GOLGA4: variants seen among roughly 807,000 people sequenced by gnomAD.
GOLGA4 encodes golgin A4, also known as golgin subfamily A member 4.
Under a neutral mutation model 265.9 loss-of-function variants are expected in GOLGA4, and 169 were observed. The observed-to-expected ratio is 0.64, with a 90% CI of 0.56 to 0.72. The LOEUF (loss-of-function observed/expected upper bound fraction) is 0.72, where lower values mean the gene tolerates loss of function less well. Among genes scored for constraint, GOLGA4 ranks in the 30% least tolerant of loss-of-function variants. GOLGA4 has a pLI of 0.00. For synonymous variants in GOLGA4, 923 were observed against 855.8 expected, an observed-to-expected ratio of 1.08 and a Z score of -1.37; for missense variants, 2,482 against 2,483.4, an observed-to-expected ratio of 1.00 and a Z score of 0.01.
intron 16 of GOLGA4, among the ~76,000 whole-genome samples, chr3:37,330,595 A>C (rs2096986708): frequency 6.6e-6 from 1 of 152,200 alleles, no homozygotes; most frequent in African/African-American, 2.4e-5. Flanking sequence ...ATTTTAGGGA[A>C]GTTAATGAAA....
chr3:37,258,191 ATATG>A (rs1016746437), intron 2 of GOLGA4, among the ~76,000 whole-genome samples: 3 of 145,402 alleles, frequency 2.1e-5, no homozygotes, highest in African/African-American at 7.5e-5. Context: ...TATGCTCTGT[ATATG>A]TATGATATAT....
intron 21 of GOLGA4, 68 bp downstream of exon 21, chr3:37,347,364 C>A: frequency 1.2e-6 from 1 of 856,638 alleles, no homozygotes; most frequent in Non-Finnish European, 2.0e-6. Context: ...ACTTTTAATA[C>A]ACATGTGAAT....
At chr3:37,333,322 T>C (rs1452748970) in intron 16 of GOLGA4, among the ~76,000 whole-genome samples, 1 of 152,236 alleles carries the variant, frequency 6.6e-6, no homozygotes, top group Non-Finnish European at 1.5e-5. Flanking sequence ...CTGTTATGTA[T>C]ATACATAAAG....
At chr3:37,322,722 T>C (rs141146321) in intron 13 of GOLGA4, among the ~76,000 whole-genome samples, 16 of 152,214 alleles carry the variant, frequency 1.1e-4, no homozygotes, top group Admixed American at 1.0e-3. Flanking sequence ...CCTTTCCAGC[T>C]CTGACATTCT....
At chr3:37,343,694 A>G (rs879756786) in intron 20 of GOLGA4, among the ~76,000 whole-genome samples, 1 of 152,206 alleles carries the variant, frequency 6.6e-6, no homozygotes, top group African/African-American at 2.4e-5. Context: ...AATTTTCTGG[A>G]TTCTGTCTCC....
At chr3:37,334,943 G>A (rs1031507547) in intron 16 of GOLGA4, 110 bp from the exon 17 acceptor site, 1 of 609,178 alleles carries the variant, frequency 1.6e-6, no homozygotes, top group Admixed American at 3.0e-5. Context: ...CCCTACAGAG[G>A]TAGTTTTCTC....
rs199838157 is a variant in GOLGA4, at chr3:37,299,030, C to T, written c.1002+10C>T. The T allele has an allele frequency of 1.1e-5, 18 of 1,573,368 alleles. No individual in the cohort carries two copies. Among genetic ancestry groups the T allele is most frequent in the South Asian group, 7.2e-5 (6 of 83,454 alleles). ...ACTAGAAAAGATAAAGGTAAAAGAG[C>T]AGATGAGTTTTGTTCTAATTTAATC... On this transcript the variant is annotated intron_variant, in intron 8 of 23. Coordinates refer to ENST00000361924, the MANE Select transcript of GOLGA4 (RefSeq NM_002078.5).
At chr3:37,328,090 T>A (rs1559441615) in intron 14 of GOLGA4, among the ~76,000 whole-genome samples, 1 of 152,088 alleles carries the variant, frequency 6.6e-6, no homozygotes, top group Non-Finnish European at 1.5e-5. Context: ...AGTAATTATT[T>A]TCTTTTTGTT....
intron 5 of GOLGA4, among the ~76,000 whole-genome samples, chr3:37,292,894 A>T (rs182035489): frequency 6.6e-6 from 1 of 152,350 alleles, no homozygotes; most frequent in Non-Finnish European, 1.5e-5. Context: ...GTCAGGAGAC[A>T]TTTGTGAGAG....
chr3:37,266,434 G>A (rs1339345079), intron 2 of GOLGA4, among the ~76,000 whole-genome samples: 1 of 152,104 alleles, frequency 6.6e-6, no homozygotes, highest in East Asian at 1.9e-4. Flanking sequence ...TCCTGACCTC[G>A]TGATCTGCCC....
chr3:37,243,387 AG>A lies in GOLGA4; in HGVS notation c.-162del, dbSNP rs1348974231. On this transcript the variant is annotated 5_prime_UTR_variant, in exon 1 of 24. The change abolishes the stop of an existing upstream ORF in the 5' untranslated region. Coordinates refer to ENST00000361924, the MANE Select transcript of GOLGA4 (RefSeq NM_002078.5). Reference sequence around the variant, plus strand: ...CGGCGGCGGCGACGCCGACACCCTCAGGACGAGTGTCCGGACTTGCCCACAG... The same window carrying A: ...CGGCGGCGGCGACGCCGACACCCTCAGACGAGTGTCCGGACTTGCCCACAG... 4.7e-6 allele frequency: 3 copies of A among 641,694 alleles called. No individual in the cohort carries two copies. Among genetic ancestry groups the A allele is most frequent in the Non-Finnish European group, 5.6e-6 (2 of 355,528 alleles). The allele number at this position is 641,694 out of a possible 1,614,324, so 39.8% of individuals were successfully genotyped here.
chr3:37,337,170 C>T lies in GOLGA4; in HGVS notation c.6327+7C>T. 7.2e-7 allele frequency: 1 copy of T among 1,390,598 alleles called. No homozygotes were observed. The highest frequency in any genetic ancestry group is 1.9e-5 in the Admixed American group (1 of 51,528). The allele number at this position is 1,390,598 out of a possible 1,614,324, so 86.1% of individuals were successfully genotyped here. ...AACAATTATGGAGCTACAGGTAAGG[C>T]TAGTTCTTCTTTTTTTTTTTTTCTT... On this transcript the variant is annotated splice_region_variant and intron_variant, in intron 18 of 23. Coordinates refer to ENST00000361924, the MANE Select transcript of GOLGA4 (RefSeq NM_002078.5).
At chr3:37,311,823 AG>A (rs2096923916) in intron 10 of GOLGA4, among the ~76,000 whole-genome samples, 2 of 152,222 alleles carry the variant, frequency 1.3e-5, no homozygotes, top group Non-Finnish European at 2.9e-5. Context: ...GACTGTATAT[AG>A]AAGAATATCC....
chr3:37,342,805 C>T lies in GOLGA4; in HGVS notation c.6472+2606C>T, dbSNP rs1034071210. ...GTGCATATCCCATATTAGGTTAAGCCAAAATGTTTGCTATATTTTTTGTAG... is the reference window on the plus strand; with the variant it reads ...GTGCATATCCCATATTAGGTTAAGCTAAAATGTTTGCTATATTTTTTGTAG... On this transcript the variant is annotated intron_variant, in intron 20 of 23. Coordinates refer to ENST00000361924, the MANE Select transcript of GOLGA4 (RefSeq NM_002078.5). 2.0e-5 allele frequency among the ~76,000 whole-genome samples: 3 copies of T among 152,260 alleles called. No homozygotes were observed. In the South Asian group the frequency reaches 6.2e-4, roughly 32 times the overall value.
intron 21 of GOLGA4, among the ~76,000 whole-genome samples, chr3:37,352,701 A>G (rs1040297515): frequency 6.6e-6 from 1 of 152,076 alleles, no homozygotes. Flanking sequence ...GGCTAAGGGA[A>G]TGTTGTTACT....
intron 5 of GOLGA4, among the ~76,000 whole-genome samples, chr3:37,293,067 T>G (rs370166942): frequency 2.0e-4 from 31 of 152,240 alleles, no homozygotes; most frequent in African/African-American, 7.2e-4. Context: ...AGGGAGTTGC[T>G]TATAATTCTT....
chr3:37,320,749 T>TG (rs1209713053), intron 12 of GOLGA4, among the ~76,000 whole-genome samples: 1 of 152,224 alleles, frequency 6.6e-6, no homozygotes, highest in Admixed American at 6.5e-5. Context: ...AACTGACCTT[T>TG]GGGGACACTG....
At chr3:37,328,291 C>T in intron 14 of GOLGA4, 125 bp from the exon 15 acceptor site, 2 of 857,662 alleles carry the variant, frequency 2.3e-6, no homozygotes, top group Non-Finnish European at 3.7e-6. Flanking sequence ...CTCTCTCTCT[C>T]TCTCTCTCTC....
chr3:37,347,472 C>T (rs955844469), intron 21 of GOLGA4, among the ~76,000 whole-genome samples, 176 bp downstream of exon 21: 11 of 152,054 alleles, frequency 7.2e-5, no homozygotes, highest in African/African-American at 2.7e-4. Context: ...GTGGATCTTG[C>T]TTATATTTAT....
Sources: allele counts gnomAD v4.1 joint callset (sites outside exome capture counted in the v4.1 genomes callset), GRCh38; gene constraint gnomAD v4.1.1; transcripts MANE v1.5; gene names NCBI Gene and HGNC (gene_info 2026-07-23, HGNC 2026-07-21).